SH3TC1: variants seen among roughly 807,000 people sequenced by gnomAD.
The protein encoded by SH3TC1 is SH3 domain and tetratricopeptide repeat-containing protein 1.
SH3TC1 carries 135 observed loss-of-function variants against 117.3 expected under a neutral mutation model. The ratio of observed to expected loss-of-function variants is 1.15; its 90% CI spans 1.00 to 1.33. SH3TC1 has a LOEUF of 1.33. SH3TC1 is among the 40% of genes most tolerant of loss of function. The pLI, the probability that SH3TC1 is intolerant of heterozygous loss-of-function variation, is 0.00. For synonymous variants in SH3TC1, 898 were observed against 816.9 expected, an observed-to-expected ratio of 1.10 and a Z score of -1.69; for missense variants, 2,092 against 1,794.3, an observed-to-expected ratio of 1.17 and a Z score of -3.00.
At position 8,220,708 on chromosome 4, in the gene SH3TC1, G is replaced by A. The variant is rs181396297; in HGVS notation, c.1112+1178G>A. On this transcript the variant is annotated intron_variant, in intron 9 of 17. Coordinates refer to ENST00000245105, the MANE Select transcript of SH3TC1 (RefSeq NM_018986.5). ...CACCAATGAGATGCTTGTCTTCAGT[G>A]GTCCTGTTCAATGTTTAGGGCTGCG... is the stretch of plus-strand genomic sequence containing the variant. Among the ~76,000 whole-genome samples the A allele has an allele frequency of 2.6e-5, 4 of 152,282 alleles. 1 individual carries two copies. The highest frequency in any genetic ancestry group is 2.6e-4 in the Admixed American group (4 of 15,298).
intron 1 of SH3TC1, among the ~76,000 whole-genome samples, chr4:8,191,015 G>A (rs773265941): frequency 2.7e-5 from 4 of 150,098 alleles, no homozygotes; most frequent in South Asian, 2.1e-4. Flanking sequence ...GAGGACTGGC[G>A]GGAGCTGCAG....
intron 10 of SH3TC1, among the ~76,000 whole-genome samples, chr4:8,224,349 C>T (rs1162969082): frequency 6.6e-6 from 1 of 152,178 alleles, no homozygotes; most frequent in South Asian, 2.1e-4. Context: ...TTAGACTTGA[C>T]CTCAGCATAT....
chr4:8,237,309 A>T, intron 16 of SH3TC1, 165 bp from the exon 17 acceptor site: 2 of 576,852 alleles, frequency 3.5e-6, no homozygotes, highest in East Asian at 6.6e-5. Flanking sequence ...AGGCCTTATT[A>T]GTTCTGCTTT....
chr4:8,198,113 G>A (rs527765295), upstream of SH3TC1, among the ~76,000 whole-genome samples: 5 of 152,240 alleles, frequency 3.3e-5, no homozygotes, highest in East Asian at 9.7e-4. Context: ...CCCCCGCCCT[G>A]CAACAAAGAA....
intron 14 of SH3TC1, among the ~76,000 whole-genome samples, chr4:8,234,155 TC>T (rs1352461233): frequency 4.6e-4 from 33 of 72,394 alleles, no homozygotes; most frequent in Admixed American, 4.0e-3. Flanking sequence ...CATCCATCCA[TC>T]CATCCTTCCA....
Position 8,205,906 on chromosome 4 carries a change from G to A in SH3TC1, c.172+540G>A, listed in dbSNP as rs528384850. The A allele has an allele frequency of 5.2e-5, 28 of 538,482 alleles. No individual in the cohort carries two copies. Among genetic ancestry groups the A allele is most frequent in the Middle Eastern group, 4.9e-4 (1 of 2,022 alleles). The allele number at this position is 538,482 out of a possible 1,614,324, so 33.4% of individuals were successfully genotyped here. ...CCCATCCTGAGACCCTGAAGGGGAC[G>A]AGGGGAGAGGCAGGGGAGACCAAGG... On this transcript the variant is annotated intron_variant, in intron 2 of 17. Coordinates refer to ENST00000245105, the MANE Select transcript of SH3TC1 (RefSeq NM_018986.5). This position sits in a 1 kb window ranked among gnomAD's most constrained non-coding sequence, Gnocchi z 5.4.
In SH3TC1 at chr4:8,227,240, C is replaced by T. The variant is rs369851803; in HGVS notation, c.1546C>T (p.Arg516Cys). Reference protein sequence around the residue: ...LNAPGYKASFRGLYDVALPWL... With the variant: ...LNAPGYKASFCGLYDVALPWL... ...CGCCCCTGGGTACAAGGCCAGCTTC[C>T]GTGGCCTGTACGATGTGGCGCTGCC... The change falls in exon 12 of 18, where the codon CGT becomes TGT. Residue 516 changes from arginine to cysteine, a missense_variant. Physicochemically the swap from Arg to Cys is radical, Grantham distance 180. Transcript: ENST00000245105. 86 of 1,589,594 alleles carry T rather than the reference C, an allele frequency of 5.4e-5. No homozygotes were observed. The highest frequency in any genetic ancestry group is 5.2e-4 in the African/African-American group (39 of 74,506).
At chr4:8,203,014 G>T (rs1717939813) in intron 1 of SH3TC1, among the ~76,000 whole-genome samples, 1 of 152,196 alleles carries the variant, frequency 6.6e-6, no homozygotes, top group African/African-American at 2.4e-5. Flanking sequence ...TGGGGGCAGG[G>T]GTGATGGCTG....
chr4:8,236,922 G>A (rs1281107), intron 16 of SH3TC1: 38,301 of 161,544 alleles, frequency 0.24, 5,032 homozygotes, highest in South Asian at 0.38. Flanking sequence ...ACATGCCCCA[G>A]CGCCTTGTGG....
Position 8,227,558 on chromosome 4 carries a change from C to T in SH3TC1, c.1864C>T (p.Gln622Ter), listed in dbSNP as rs1028483667. ...RKQKNREKCA[Q>*]VVPKAMALLL... is the part of the protein sequence containing the mutation. ...GCAGAAGAACCGGGAGAAGTGTGCA[C>T]AGGTGGTGCCCAAAGCCATGGCCCT... Residue 622 changes from glutamine (Q) to a stop codon, truncating the protein, a stop_gained, in exon 12 of 18, where the codon CAG (glutamine) becomes TAG (stop). Coordinates refer to ENST00000245105, the MANE Select transcript of SH3TC1 (RefSeq NM_018986.5). LOFTEE classifies it high-confidence loss of function. 3.3e-6 allele frequency: 5 copies of T among 1,525,306 alleles called. No individual in the cohort carries two copies. Among genetic ancestry groups the T allele is most frequent in the Non-Finnish European group, 4.4e-6 (5 of 1,139,856 alleles). 94.5% of individuals were successfully genotyped at this position (1,525,306 alleles called of 1,614,324 possible). A position where few individuals can be genotyped will look rare whatever the true frequency, so the allele number is the denominator to read the frequency against.
Position 8,209,825 on chromosome 4 carries a change from A to C in SH3TC1, c.247+3A>C, listed in dbSNP as rs1256635755. ...CCAGATGGGGGTTTATCCCACAGGT[A>C]AACATCCTGGGCCCTACACAGGGCT... On this transcript the variant is annotated splice_donor_region_variant and intron_variant, in intron 3 of 17. Transcript: ENST00000245105. This position sits in a 1 kb window ranked among gnomAD's most constrained non-coding sequence, Gnocchi z 5.9. The C allele has an allele frequency of 6.2e-7, 1 of 1,612,938 alleles. No homozygotes were observed. The highest frequency in any genetic ancestry group is 8.5e-7 in the Non-Finnish European group (1 of 1,179,844).
At chr4:8,235,965 G>T (rs1411311042) in intron 15 of SH3TC1, 1 of 412,530 alleles carries the variant, frequency 2.4e-6, no homozygotes. Context: ...TCATGGTGTG[G>T]CTCAGCCCTG....
chr4:8,192,296 C>CACT lies in SH3TC1; in HGVS notation c.-57+10086_-57+10087insACT. Among the ~76,000 whole-genome samples, 1 of 151,570 alleles carries CACT rather than the reference C, an allele frequency of 6.6e-6. No individual in the cohort carries two copies. The highest frequency in any genetic ancestry group is 2.0e-4 in the East Asian group (1 of 5,046). ...CAGGCGTGAGCCACTGCGCCCGGCC[C>CACT]TCAGTCACCTTTAAAATGAAAGGGC... On this transcript the variant is annotated intron_variant, in intron 1 of 16. Coordinates refer to the SH3TC1 transcript ENST00000508641. This position sits in a 1 kb window ranked among gnomAD's most constrained non-coding sequence, Gnocchi z 4.1.
In SH3TC1 at chr4:8,234,307, CATCT is replaced by C. The variant is rs552930981; in HGVS notation, c.3282+796_3282+799del. ...TCCATCATTCATCCATCCACCCACCCATCTACCCATTAATCCATCCCTCCATTCG... is the reference window on the plus strand; with the variant it reads ...TCCATCATTCATCCATCCACCCACCCACCCATTAATCCATCCCTCCATTCG... On this transcript the variant is annotated intron_variant, in intron 14 of 17. Transcript: ENST00000245105. Among the ~76,000 whole-genome samples the C allele has an allele frequency of 7.8e-3, 1,176 of 151,714 alleles. 19 individuals carry two copies. The highest frequency in any genetic ancestry group is 0.027 in the African/African-American group (1,106 of 41,310).
intron 10 of SH3TC1, among the ~76,000 whole-genome samples, chr4:8,223,625 C>T (rs1382251018): frequency 4.6e-5 from 7 of 150,810 alleles, no homozygotes; most frequent in African/African-American, 7.3e-5. Flanking sequence ...TGTGGCTACA[C>T]ACCCACTTTT....
rs376174704 is a variant in SH3TC1 at position 8,192,447 on chromosome 4, CTTTATTTTAT to C, written c.-57+10280_-57+10289del. Among the ~76,000 whole-genome samples the C allele has an allele frequency of 0.034, 4,702 of 138,426 alleles. 159 individuals are homozygous for C. Among genetic ancestry groups the C allele is most frequent in the African/African-American group, 0.088 (3,244 of 37,062 alleles). 90.8% of individuals were successfully genotyped at this position (138,426 alleles called of 152,430 possible). A position where few individuals can be genotyped will look rare whatever the true frequency, so the allele number is the denominator to read the frequency against. ...ACAATCTTCTTATCCAACCACTTGT[CTTTATTTTAT>C]TTTATTTTATTTTATTTTATTTTAT... On this transcript the variant is annotated intron_variant, in intron 1 of 16. Transcript: ENST00000508641. The surrounding 1 kb of genome is among the most constrained non-coding windows in gnomAD (Gnocchi z 4.1).
In SH3TC1 at chr4:8,205,731, G is replaced by A. The variant is rs765092076; in HGVS notation, c.172+365G>A. 1.2e-4 allele frequency: 80 copies of A among 687,942 alleles called. No individual in the cohort carries two copies. Among genetic ancestry groups the A allele is most frequent in the Non-Finnish European group, 1.9e-4 (69 of 372,680 alleles). 42.6% of individuals were successfully genotyped at this position (687,942 alleles called of 1,614,324 possible). A position where few individuals can be genotyped will look rare whatever the true frequency, so the allele number is the denominator to read the frequency against. The stretch of plus-strand genomic sequence containing the variant: ...AGAGTCCTCAGGATGAGGCATCCTC[G>A]TTCTCCAGGAGGCACCCAAGGTGCA... On this transcript the variant is annotated intron_variant, in intron 2 of 17. Transcript: ENST00000245105. The surrounding 1 kb of genome is among the most constrained non-coding windows in gnomAD (Gnocchi z 5.4).
chr4:8,184,401 G>T (rs1717165114), intron 1 of SH3TC1, among the ~76,000 whole-genome samples: 1 of 152,200 alleles, frequency 6.6e-6, no homozygotes, highest in Admixed American at 6.5e-5. Context: ...AATTTTTTGA[G>T]ACAGGCTGTT....
intron 17 of SH3TC1, among the ~76,000 whole-genome samples, chr4:8,240,280 G>T (rs1304502457): frequency 6.6e-6 from 1 of 152,194 alleles, no homozygotes; most frequent in Non-Finnish European, 1.5e-5. Context: ...TACCTGGCCC[G>T]GCCCATGGAG....
Sources: gnomAD v4.1 joint callset for allele counts (sites outside exome capture counted in the v4.1 genomes callset) on GRCh38, gnomAD v4.1.1 for gene constraint, Gnocchi (gnomAD v3.1) non-coding constraint, MANE v1.5 for transcripts, NCBI Gene and HGNC (gene_info 2026-07-23, HGNC 2026-07-21) for gene names.